The following PGM5 variants were observed in gnomAD, a reference collection of about 807,000 sequenced individuals.
The protein encoded by PGM5 is phosphoglucomutase 5.
Under a neutral mutation model 59.2 loss-of-function variants are expected in PGM5, and 23 were observed. That is an observed-to-expected ratio of 0.39 (90% confidence interval 0.28 to 0.55). PGM5 has a LOEUF of 0.55. PGM5 is among the 20% of genes least tolerant of loss of function. The probability of loss-of-function intolerance (pLI) is 0.66; values close to 1 mark genes in which losing one functional copy is unlikely to be tolerated. For synonymous variants in PGM5, 214 were observed against 286.0 expected, an observed-to-expected ratio of 0.75 and a Z score of 2.54; for missense variants, 574 against 748.3, an observed-to-expected ratio of 0.77 and a Z score of 2.72.
chr9:68,461,256 A>C (rs977730922), intron 6 of PGM5, among the ~76,000 whole-genome samples: 1 of 152,130 alleles, frequency 6.6e-6, no homozygotes, highest in African/African-American at 2.4e-5. Flanking sequence ...GAGAAAGAAC[A>C]TGGAAAATGG....
At chr9:68,441,861 C>A (rs188370969) in intron 6 of PGM5, among the ~76,000 whole-genome samples, 1 of 145,530 alleles carries the variant, frequency 6.9e-6, no homozygotes, top group Non-Finnish European at 1.5e-5. Flanking sequence ...CAAAGTAATA[C>A]ACACACAAAG....
At chr9:68,417,457 T>C (rs1823054278) in intron 6 of PGM5, among the ~76,000 whole-genome samples, 1 of 152,118 alleles carries the variant, frequency 6.6e-6, no homozygotes, top group Admixed American at 6.5e-5. Flanking sequence ...TGTATCTTCA[T>C]TAGTGGAAAT....
intron 6 of PGM5, among the ~76,000 whole-genome samples, chr9:68,400,359 G>C (rs1822634063): frequency 6.6e-6 from 1 of 152,136 alleles, no homozygotes; most frequent in Non-Finnish European, 1.5e-5. Flanking sequence ...GCTGCTTACA[G>C]TTTCCCAAAT....
rs1368825249 is a variant in PGM5 at position 68,393,049 on chromosome 9, TCTAA to T, written c.1043+582_1043+585del. Among the ~76,000 whole-genome samples the T allele has an allele frequency of 4.3e-4, 65 of 152,124 alleles. 1 individual carries two copies. The highest frequency in any genetic ancestry group is 3.9e-3 in the Admixed American group (59 of 15,258). ...CAACAAGAGATTCACTCAGTAGGGC[TCTAA>T]CTAACCCTATTAGGTTTCATTCTTC... On this transcript the variant is annotated intron_variant, in intron 6 of 10. Transcript: ENST00000396396.
chr9:68,471,606 C>T (rs782338144), intron 7 of PGM5, among the ~76,000 whole-genome samples: 1 of 150,000 alleles, frequency 6.7e-6, no homozygotes, highest in Non-Finnish European at 1.5e-5. Flanking sequence ...CACAAAAAGA[C>T]CCTGTCTCTT....
chr9:68,358,945 G>A (rs1834522996), intron 1 of PGM5, among the ~76,000 whole-genome samples: 1 of 152,064 alleles, frequency 6.6e-6, no homozygotes, highest in South Asian at 2.1e-4. Flanking sequence ...TTGACAAATG[G>A]TCTTTCACTC....
chr9:68,511,154 T>C (rs1824742882), intron 10 of PGM5, among the ~76,000 whole-genome samples: 1 of 152,246 alleles, frequency 6.6e-6, no homozygotes, highest in Non-Finnish European at 1.5e-5. Flanking sequence ...AAGATGGCTT[T>C]GTAGAGCCAT....
chr9:68,421,641 C>T (rs1020670197), intron 6 of PGM5, among the ~76,000 whole-genome samples: 8 of 152,058 alleles, frequency 5.3e-5, no homozygotes, highest in East Asian at 1.9e-4. Context: ...CACTTGAACC[C>T]GGGAGGCGGA....
intron 6 of PGM5, among the ~76,000 whole-genome samples, chr9:68,444,728 G>T (rs1015376455): frequency 1.3e-5 from 2 of 152,212 alleles, no homozygotes; most frequent in African/African-American, 4.8e-5. Context: ...CTTGTCTTCA[G>T]CAGGGGTTGG....
intron 6 of PGM5, among the ~76,000 whole-genome samples, chr9:68,438,090 C>T (rs561367177): frequency 6.6e-6 from 1 of 151,986 alleles, no homozygotes; most frequent in Admixed American, 6.5e-5. Context: ...GAGTTCAGAA[C>T]CAACTTGGGC....
chr9:68,497,521 C>T (rs561238027), intron 9 of PGM5: 4 of 152,154 alleles, frequency 2.6e-5, no homozygotes, highest in Non-Finnish European at 5.9e-5. Flanking sequence ...TTGAAAAAAG[C>T]ATAAAGACAC....
intron 1 of PGM5, among the ~76,000 whole-genome samples, chr9:68,370,910 G>C (rs528458243): frequency 1.2e-4 from 19 of 152,172 alleles, no homozygotes; most frequent in Non-Finnish European, 2.1e-4. Flanking sequence ...GGCTAGGTAG[G>C]AACAAATTTA....
intron 6 of PGM5, among the ~76,000 whole-genome samples, chr9:68,447,827 G>A (rs1037634361): frequency 2.4e-4 from 37 of 152,196 alleles, no homozygotes; most frequent in Non-Finnish European, 1.2e-4. Context: ...GACAGGGCCT[G>A]ACTCCCTGCC....
At chr9:68,399,433 T>C (rs1459807993) in intron 6 of PGM5, among the ~76,000 whole-genome samples, 1 of 152,214 alleles carries the variant, frequency 6.6e-6, no homozygotes, top group African/African-American at 2.4e-5. Context: ...AGTCTCTAAA[T>C]TCCTGCATCT....
intron 6 of PGM5, among the ~76,000 whole-genome samples, chr9:68,440,465 C>A (rs1823507707): frequency 6.6e-6 from 1 of 152,076 alleles, no homozygotes; most frequent in Non-Finnish European, 1.5e-5. Flanking sequence ...GGAAGGTAAA[C>A]AATATGCTTC....
intron 6 of PGM5, among the ~76,000 whole-genome samples, chr9:68,450,475 A>G (rs2132069663): frequency 6.6e-6 from 1 of 152,272 alleles, no homozygotes; most frequent in East Asian, 1.9e-4. Context: ...CCCAACTCAG[A>G]ATGTTTTACA....
chr9:68,444,361 T>A (rs73445673), intron 6 of PGM5, among the ~76,000 whole-genome samples: 1 of 152,102 alleles, frequency 6.6e-6, no homozygotes, highest in Non-Finnish European at 1.5e-5. Flanking sequence ...GGTTATGATA[T>A]AAGGAAATGG....
intron 6 of PGM5, among the ~76,000 whole-genome samples, chr9:68,392,767 G>C (rs1822398675): frequency 6.6e-6 from 1 of 152,050 alleles, no homozygotes; most frequent in African/African-American, 2.4e-5. Flanking sequence ...TTGTCATGAA[G>C]TACAAATGAG....
At chr9:68,442,988 G>A (rs1554683783) in intron 6 of PGM5, among the ~76,000 whole-genome samples, 1 of 152,180 alleles carries the variant, frequency 6.6e-6, no homozygotes, top group African/African-American at 2.4e-5. Context: ...AAAGCAGTTT[G>A]TCAATTGCTT....
Sources: gnomAD v4.1 joint callset for allele counts (sites outside exome capture counted in the v4.1 genomes callset) on GRCh38, gnomAD v4.1.1 for gene constraint, MANE v1.5 for transcripts, NCBI Gene and HGNC (gene_info 2026-07-23, HGNC 2026-07-21) for gene names.